The following NEGR1 variants were observed in gnomAD, a reference collection of about 807,000 sequenced individuals.
The protein encoded by NEGR1 is neuronal growth regulator 1.
In NEGR1, 10 loss-of-function variants were observed where a neutral mutation model predicts 40.9. The observed-to-expected ratio is 0.24, with a 90% confidence interval of 0.15 to 0.42. The LOEUF is 0.42. NEGR1 is among the 10% of genes least tolerant of loss of function. NEGR1 has a pLI of 1.00. For synonymous variants in NEGR1, 185 were observed against 166.8 expected (o/e 1.11, Z -0.84); for missense variants, 352 against 438.9 (o/e 0.80, Z 1.77).
At chr1:72,039,431 C>T (rs1646932740) in intron 1 of NEGR1, among the ~76,000 whole-genome samples, 1 of 151,782 alleles carries the variant, frequency 6.6e-6, no homozygotes, top group Non-Finnish European at 1.5e-5. Context: ...GACAAGTAAG[C>T]AGGAGAACAT....
intron 6 of NEGR1, among the ~76,000 whole-genome samples, chr1:71,558,282 A>G (rs1023502996): frequency 1.1e-4 from 17 of 151,648 alleles, no homozygotes. Context: ...AGAACCTGTG[A>G]ACATATTAAA....
At chr1:72,110,970 A>G (rs1649341645) in intron 1 of NEGR1, among the ~76,000 whole-genome samples, 1 of 151,600 alleles carries the variant, frequency 6.6e-6, no homozygotes, top group South Asian at 2.1e-4. Context: ...TGAAATAGTT[A>G]TTATATCCTA....
In NEGR1 at chr1:71,853,627, A is replaced by G. The variant is rs182316934; in HGVS notation, c.410-77330T>C. Reference sequence around the variant, plus strand: ...CTCTCACTAGAGAAAATTGAGGCTGACTGAATGTATATTGATTCTTTTTAA... The same window carrying G: ...CTCTCACTAGAGAAAATTGAGGCTGGCTGAATGTATATTGATTCTTTTTAA... On this transcript the variant is annotated intron_variant, in intron 2 of 6. Transcript: ENST00000357731. Among the ~76,000 whole-genome samples the G allele has an allele frequency of 3.2e-4, 48 of 152,242 alleles. No individual in the cohort carries two copies. In the East Asian group the frequency reaches 5.8e-3, roughly 18 times the overall value.
chr1:71,734,716 T>C (rs1318972306), intron 3 of NEGR1, among the ~76,000 whole-genome samples: 2 of 152,158 alleles, frequency 1.3e-5, no homozygotes, highest in Non-Finnish European at 1.5e-5. Flanking sequence ...TTTCTACTCC[T>C]ATAATCTGAC....
At chr1:71,652,903 T>A (rs1017871526) in intron 4 of NEGR1, among the ~76,000 whole-genome samples, 3 of 151,962 alleles carry the variant, frequency 2.0e-5, no homozygotes, top group African/African-American at 7.3e-5. Flanking sequence ...TTCTAAATAA[T>A]CTTGGGTTCT....
intron 4 of NEGR1, among the ~76,000 whole-genome samples, chr1:71,656,467 C>T (rs1037542293): frequency 6.6e-6 from 1 of 152,122 alleles, no homozygotes; most frequent in African/African-American, 2.4e-5. Context: ...AGCTGGAGTG[C>T]AGTGGCGGGA....
At chr1:71,769,348 T>G (rs2101709705) in intron 3 of NEGR1, among the ~76,000 whole-genome samples, 1 of 152,298 alleles carries the variant, frequency 6.6e-6, no homozygotes, top group East Asian at 1.9e-4. Flanking sequence ...GTGAATTACA[T>G]TTTCAAGAGT....
rs190220160 is a variant in NEGR1, at chr1:71,783,193, T to C, written c.410-6896A>G. Among the ~76,000 whole-genome samples the C allele has an allele frequency of 2.5e-3, 383 of 152,234 alleles. 3 individuals carry two copies. The highest frequency in any genetic ancestry group is 5.2e-3 in the Admixed American group (79 of 15,288). On this transcript the variant is annotated intron_variant, in intron 2 of 6. Coordinates refer to ENST00000357731, the MANE Select transcript of NEGR1 (RefSeq NM_173808.3). Reference sequence around the variant, plus strand: ...GACGTAACTATAAATCTTGGGAGAATTGGCTTTTTTGCACTCCCATATCTG... The same window carrying C: ...GACGTAACTATAAATCTTGGGAGAACTGGCTTTTTTGCACTCCCATATCTG...
chr1:71,585,631 G>A (rs1649277113), intron 6 of NEGR1, among the ~76,000 whole-genome samples: 2 of 149,748 alleles, frequency 1.3e-5, no homozygotes, highest in African/African-American at 4.9e-5. Flanking sequence ...CTGTCAAATT[G>A]CCTCAATCTG....
intron 1 of NEGR1, among the ~76,000 whole-genome samples, chr1:72,028,345 TATACTC>T (rs1646829736): frequency 6.6e-6 from 1 of 152,204 alleles, no homozygotes; most frequent in Admixed American, 6.5e-5. Context: ...GAATTATACT[TATACTC>T]TACTGATGAA....
intron 6 of NEGR1, among the ~76,000 whole-genome samples, chr1:71,509,213 G>T (rs1488981933): frequency 6.6e-6 from 1 of 152,162 alleles, no homozygotes; most frequent in Non-Finnish European, 1.5e-5. Flanking sequence ...CCTAGGATGA[G>T]ATACCAATCC....
intron 1 of NEGR1, among the ~76,000 whole-genome samples, chr1:72,116,592 T>C (rs1649589435): frequency 6.6e-6 from 1 of 151,758 alleles, no homozygotes; most frequent in Admixed American, 6.6e-5. Context: ...CCCTACTTCA[T>C]GAAAATAAAA....
chr1:71,719,943 A>C (rs1187099758), intron 3 of NEGR1, among the ~76,000 whole-genome samples: 1 of 152,120 alleles, frequency 6.6e-6, no homozygotes, highest in African/African-American at 2.4e-5. Context: ...ATAAGAGTGC[A>C]TGTACTCAAC....
At chr1:71,670,891 A>AAC (rs891610093) in intron 4 of NEGR1, among the ~76,000 whole-genome samples, 27 of 150,776 alleles carry the variant, frequency 1.8e-4, no homozygotes, top group East Asian at 1.2e-3. Flanking sequence ...GCTAACTCAC[A>AAC]ACACACACAC....
chr1:71,951,314 T>C (rs950048028), intron 1 of NEGR1, among the ~76,000 whole-genome samples: 2 of 151,944 alleles, frequency 1.3e-5, no homozygotes, highest in African/African-American at 2.4e-5. Flanking sequence ...GTGGCCCTTG[T>C]GAAATGAATT....
At chr1:71,875,419 T>C (rs1386560074) in intron 2 of NEGR1, among the ~76,000 whole-genome samples, 1 of 152,170 alleles carries the variant, frequency 6.6e-6, no homozygotes. Context: ...AAAGCAGATA[T>C]CTGGTCATTC....
At chr1:71,538,428 T>C (rs1471249384) in intron 6 of NEGR1, among the ~76,000 whole-genome samples, 2 of 151,692 alleles carry the variant, frequency 1.3e-5, no homozygotes, top group Non-Finnish European at 3.0e-5. Flanking sequence ...GATAACATGA[T>C]TGTGTTATTG....
At chr1:71,587,452 C>G (rs999766445) in intron 6 of NEGR1, among the ~76,000 whole-genome samples, 8 of 29,516 alleles carry the variant, frequency 2.7e-4, no homozygotes, top group Admixed American at 1.9e-3. Flanking sequence ...GAAATTTTCT[C>G]TGATATGAAA....
At chr1:72,102,996 C>CGATAAG in intron 1 of NEGR1, among the ~76,000 whole-genome samples, 1 of 152,014 alleles carries the variant, frequency 6.6e-6, no homozygotes, top group Non-Finnish European at 1.5e-5. Context: ...TCATAAGCAA[C>CGATAAG]CACCCTTATG....
Sources: allele counts gnomAD v4.1 joint callset (sites outside exome capture counted in the v4.1 genomes callset), GRCh38; gene constraint gnomAD v4.1.1; transcripts MANE v1.5; gene names NCBI Gene and HGNC (gene_info 2026-07-23, HGNC 2026-07-21).